Variants in TBPL1 observed in about 807,000 individuals in gnomAD.
TBPL1 encodes TATA-box binding protein like 1, also known as TATA box-binding protein-like 1.
Under a neutral mutation model 22.1 loss-of-function variants are expected in TBPL1, and 4 were observed. The ratio of observed to expected loss-of-function variants is 0.18; its 90% CI spans 0.09 to 0.41. The LOEUF is 0.41. Ranked by LOEUF, TBPL1 falls within the 10% of genes least tolerant of loss-of-function variation. The pLI, the probability that TBPL1 is intolerant of heterozygous loss-of-function variation, is 1.00. For synonymous variants in TBPL1, 64 were observed against 71.0 expected, an observed-to-expected ratio of 0.90 and a Z score of 0.50; for missense variants, 115 against 222.3, an observed-to-expected ratio of 0.52 and a Z score of 3.07.
intron 1 of TBPL1, among the ~76,000 whole-genome samples, chr6:133,967,274 A>C (rs771524363): frequency 6.6e-6 from 1 of 152,242 alleles, no homozygotes; most frequent in Non-Finnish European, 1.5e-5. Flanking sequence ...CTGTAGAACA[A>C]GTGGGAGTGG....
intron 2 of TBPL1, among the ~76,000 whole-genome samples, chr6:133,981,340 C>T (rs1370784996): frequency 6.6e-6 from 1 of 152,126 alleles, no homozygotes; most frequent in East Asian, 1.9e-4. Context: ...CAGTGACTCA[C>T]AAAGATTTTC....
At chr6:133,971,856 C>T (rs1044343898) in intron 1 of TBPL1, among the ~76,000 whole-genome samples, 1 of 152,088 alleles carries the variant, frequency 6.6e-6, no homozygotes. Context: ...ATAATTTGCA[C>T]ATATTTTCTC....
intron 2 of TBPL1, among the ~76,000 whole-genome samples, chr6:133,980,798 A>C (rs535310442): frequency 4.0e-5 from 6 of 151,712 alleles, no homozygotes; most frequent in African/African-American, 1.5e-4. Context: ...GTGTTTTGAG[A>C]TTAACATTAT....
At position 133,987,648 on chromosome 6, in the gene TBPL1, G is replaced by GTGTGTGTATATATATATATATATATA. The variant is rs200249148; in HGVS notation, c.*609_*610insGTGTGTATATATATATATATATATAT. The GTGTGTGTATATATATATATATATATA allele has an allele frequency of 9.1e-5, 8 of 88,320 alleles. No homozygotes were observed. The highest frequency in any genetic ancestry group is 2.5e-4 in the African/African-American group (7 of 27,502). The allele number at this position is 88,320 out of a possible 1,614,324, so 5.5% of individuals were successfully genotyped here. A position where few individuals can be genotyped will look rare whatever the true frequency, so the allele number is the denominator to read the frequency against. On this transcript the variant is annotated 3_prime_UTR_variant, in exon 7 of 7. Coordinates refer to ENST00000237264, the MANE Select transcript of TBPL1 (RefSeq NM_004865.4). ...TTTGTGTGTGTGTGTGTGTGTGTGT[G>GTGTGTGTATATATATATATATATATA]TATATATATATATATATATGCACCA...
Position 133,987,867 on chromosome 6 carries a change from G to A in TBPL1, c.*827G>A, listed in dbSNP as rs1776561005. The A allele has an allele frequency of 6.6e-6, 1 of 152,470 alleles. No homozygotes were observed. The highest frequency in any genetic ancestry group is 6.6e-5 in the Admixed American group (1 of 15,236). The allele number at this position is 152,470 out of a possible 1,614,324, so 9.4% of individuals were successfully genotyped here. A position where few individuals can be genotyped will look rare whatever the true frequency, so the allele number is the denominator to read the frequency against. ...AATAACTTGTAAAGGTTAAGAAATT[G>A]TAGTTTTAAGAAGAGAAACCTCTTA... On this transcript the variant is annotated 3_prime_UTR_variant, in exon 7 of 7. Transcript: ENST00000237264.
At chr6:133,982,507 A>G (rs1281433150) in intron 2 of TBPL1, 61 bp from the exon 3 acceptor site, 5 of 1,468,350 alleles carry the variant, frequency 3.4e-6, no homozygotes. Context: ...ATGACTATAT[A>G]GAACAGAACC....
intron 1 of TBPL1, among the ~76,000 whole-genome samples, chr6:133,971,067 A>G (rs1035762126): frequency 2.9e-4 from 44 of 152,072 alleles, no homozygotes; most frequent in African/African-American, 1.0e-3. Flanking sequence ...TTTTAAATCA[A>G]TTGACCAACC....
rs1776547359 is a variant in TBPL1 at position 133,987,416 on chromosome 6, T to C, written c.*376T>C. 1 of 153,790 alleles carries C rather than the reference T, an allele frequency of 6.5e-6. No individual in the cohort carries two copies. The highest frequency in any genetic ancestry group is 2.4e-5 in the African/African-American group (1 of 41,504). The allele number at this position is 153,790 out of a possible 1,614,324, so 9.5% of individuals were successfully genotyped here. The stretch of plus-strand genomic sequence containing the variant: ...AATAGTCTTTTACATTTTTGTATGC[T>C]GAATATGGGCACCAAAGAACCTGTA... On this transcript the variant is annotated 3_prime_UTR_variant, in exon 7 of 7. Coordinates refer to ENST00000237264, the MANE Select transcript of TBPL1 (RefSeq NM_004865.4).
In TBPL1 at chr6:133,986,788, A is replaced by G. The variant is rs146554278; in HGVS notation, c.482-173A>G. Among the ~76,000 whole-genome samples the G allele has an allele frequency of 8.4e-3, 1,283 of 152,242 alleles. 38 individuals are homozygous for G. Among genetic ancestry groups the G allele is most frequent in the Admixed American group, 0.062 (948 of 15,282 alleles). On this transcript the variant is annotated intron_variant, in intron 6 of 6. Transcript: ENST00000237264. ...TTTAATTGCCCAGAACAAAATCTGTATTACTTTTACTTATTATGGCTATGT... is the reference window on the plus strand; with the variant it reads ...TTTAATTGCCCAGAACAAAATCTGTGTTACTTTTACTTATTATGGCTATGT...
chr6:133,980,058 A>C, intron 1 of TBPL1, 24 bp from the exon 2 acceptor site: 1 of 1,376,478 alleles, frequency 7.3e-7, no homozygotes, highest in Non-Finnish European at 9.5e-7. Context: ...AAGTTTAATG[A>C]CTTTATTTTG....
At position 133,989,602 on chromosome 6, in the gene TBPL1, T is replaced by G. The variant is rs1776591337; in HGVS notation, c.*2562T>G. 1 of 152,294 alleles carries G rather than the reference T, an allele frequency of 6.6e-6. No individual in the cohort carries two copies. Among genetic ancestry groups the G allele is most frequent in the South Asian group, 2.1e-4 (1 of 4,826 alleles). The allele number at this position is 152,294 out of a possible 1,614,324, so 9.4% of individuals were successfully genotyped here. A position where few individuals can be genotyped will look rare whatever the true frequency, so the allele number is the denominator to read the frequency against. The stretch of plus-strand genomic sequence containing the variant: ...AATACACCATGATAGAATTGAGATC[T>G]CCAATCTCCTTTCCTTTTAGCTTCC... On this transcript the variant is annotated 3_prime_UTR_variant, in exon 7 of 7. Coordinates refer to ENST00000237264, the MANE Select transcript of TBPL1 (RefSeq NM_004865.4).
intron 1 of TBPL1, among the ~76,000 whole-genome samples, chr6:133,978,579 T>A (rs1455752456): frequency 6.6e-6 from 1 of 152,214 alleles, no homozygotes; most frequent in East Asian, 1.9e-4. Flanking sequence ...AAAAATTATT[T>A]GAGGTAGCTC....
intron 6 of TBPL1, among the ~76,000 whole-genome samples, chr6:133,986,747 T>A (rs989483231): frequency 1.3e-5 from 2 of 152,220 alleles, no homozygotes; most frequent in Admixed American, 6.6e-5. Context: ...AACCTCATTT[T>A]GTGTTTCATA....
In TBPL1 at chr6:133,986,391, C is replaced by T. The variant is rs545561044; in HGVS notation, c.482-570C>T. On this transcript the variant is annotated intron_variant, in intron 6 of 6. Coordinates refer to ENST00000237264, the MANE Select transcript of TBPL1 (RefSeq NM_004865.4). ...GAATTAGCATAATGCATGGTCACCT[C>T]GTAGCCTTGTGCTTTTTTTGTTTTC... Among the ~76,000 whole-genome samples, 8 of 152,298 alleles carry T rather than the reference C, an allele frequency of 5.3e-5. No individual in the cohort carries two copies. In the South Asian group the frequency reaches 1.0e-3, roughly 20 times the overall value.
intron 2 of TBPL1, 91 bp downstream of exon 2, chr6:133,980,351 T>C (rs1055818378): frequency 2.2e-6 from 3 of 1,381,246 alleles, no homozygotes; most frequent in Non-Finnish European, 1.9e-6. Flanking sequence ...ACAGATAGTT[T>C]ATGAGCACCT....
intron 1 of TBPL1, among the ~76,000 whole-genome samples, chr6:133,970,162 C>T: frequency 6.6e-6 from 1 of 152,194 alleles, no homozygotes; most frequent in East Asian, 1.9e-4. Context: ...CCTCAATTGA[C>T]TCTGTCAATT....
intron 1 of TBPL1, among the ~76,000 whole-genome samples, chr6:133,972,083 C>T (rs1358076990): frequency 6.6e-6 from 1 of 152,122 alleles, no homozygotes; most frequent in Non-Finnish European, 1.5e-5. Context: ...GGCAAGATTC[C>T]AGACATCAAG....
chr6:133,982,548 C>CA lies in TBPL1; in HGVS notation c.136-19dup. On this transcript the variant is annotated intron_variant, in intron 2 of 6. Coordinates refer to ENST00000237264, the MANE Select transcript of TBPL1 (RefSeq NM_004865.4). The stretch of plus-strand genomic sequence containing the variant: ...TGAAAAATAATGCTTATGAGGTAAT[C>CA]AGATTTTTTTTCCCCCCAGAAAGTA... 1 of 1,599,860 alleles carries CA rather than the reference C, an allele frequency of 6.3e-7. No homozygotes were observed. Among genetic ancestry groups the CA allele is most frequent in the Non-Finnish European group, 8.5e-7 (1 of 1,172,016 alleles).
intron 1 of TBPL1, among the ~76,000 whole-genome samples, chr6:133,974,485 C>T (rs1365946144): frequency 6.6e-6 from 1 of 152,166 alleles, no homozygotes; most frequent in Non-Finnish European, 1.5e-5. Flanking sequence ...AGGCGTGCAC[C>T]ACCACGCCCG....
Sources: gnomAD v4.1 joint callset for allele counts (sites outside exome capture counted in the v4.1 genomes callset) on GRCh38, gnomAD v4.1.1 for gene constraint, MANE v1.5 for transcripts, NCBI Gene and HGNC (gene_info 2026-07-23, HGNC 2026-07-21) for gene names.